Variants in PACSIN2 observed in about 807,000 individuals in gnomAD.
PACSIN2 encodes the protein protein kinase C and casein kinase substrate in neurons protein 2.
A neutral mutation model predicts 63.8 loss-of-function variants in PACSIN2; 25 were observed. The ratio of observed to expected loss-of-function variants is 0.39; its 90% CI spans 0.29 to 0.55. PACSIN2 has a LOEUF of 0.55. PACSIN2 is among the 20% of genes least tolerant of loss of function. The probability of loss-of-function intolerance (pLI) is 0.62; values close to 1 mark genes in which losing one functional copy is unlikely to be tolerated. For synonymous variants in PACSIN2, 255 were observed against 256.2 expected (o/e 1.00, Z 0.05); for missense variants, 518 against 646.9 (o/e 0.80, Z 2.16).
At chr22:42,960,811 T>TA (rs930119185) in intron 1 of PACSIN2, among the ~76,000 whole-genome samples, 10 of 152,332 alleles carry the variant, frequency 6.6e-5, no homozygotes, top group Admixed American at 3.9e-4. Context: ...CACTGATATG[T>TA]ACACTTGAGA....
At chr22:43,001,148 A>G (rs1240434295) in intron 1 of PACSIN2, among the ~76,000 whole-genome samples, 1 of 152,182 alleles carries the variant, frequency 6.6e-6, no homozygotes, top group Non-Finnish European at 1.5e-5. Context: ...ATGCCATACC[A>G]CCCACCCAAG....
rs1353522962 is a variant in PACSIN2 at position 42,980,497 on chromosome 22, C to CCCCTCT, written c.-78+34518_-78+34523dup. ...CCCTCTCCCTCTCCCCCTCCCCCTC[C>CCCCTCT]CCCTCTCCCTCTCCCTCCACGGTCT... is the stretch of plus-strand genomic sequence containing the variant. On this transcript the variant is annotated intron_variant, in intron 1 of 10. Transcript: ENST00000263246. Among the ~76,000 whole-genome samples the CCCCTCT allele has an allele frequency of 7.3e-3, 999 of 136,640 alleles. 13 individuals carry two copies. The highest frequency in any genetic ancestry group is 0.027 in the African/African-American group (947 of 35,418). The allele number at this position is 136,640 out of a possible 152,430, so 89.6% of individuals were successfully genotyped here.
intron 1 of PACSIN2, among the ~76,000 whole-genome samples, chr22:42,922,740 C>A (rs1932277427): frequency 6.6e-6 from 1 of 152,222 alleles, no homozygotes; most frequent in Non-Finnish European, 1.5e-5. Context: ...CTACCATGTG[C>A]CAGGCACTCT....
chr22:42,892,298 G>A (rs912099705), intron 3 of PACSIN2, among the ~76,000 whole-genome samples: 6 of 152,166 alleles, frequency 3.9e-5, no homozygotes, highest in Admixed American at 3.9e-4. Flanking sequence ...CAAGTGCGCT[G>A]AGTCATGACA....
chr22:42,962,099 GGCCAACA>G (rs1934156038), intron 1 of PACSIN2, among the ~76,000 whole-genome samples: 1 of 151,940 alleles, frequency 6.6e-6, no homozygotes, highest in Admixed American at 6.6e-5. Context: ...AGACCAGCCT[GGCCAACA>G]TGGTGAAACC....
In PACSIN2 at chr22:42,871,334, C is replaced by CT. The variant is rs770883501; in HGVS notation, c.*22_*23insA. Reference sequence around the variant, plus strand: ...CTCCTGGGCCCGCCGCCTCCGTCCCCCCGCTGGCCTGTCCCCGACTCATCA... The same window carrying CT: ...CTCCTGGGCCCGCCGCCTCCGTCCCCTCCGCTGGCCTGTCCCCGACTCATCA... On this transcript the variant is annotated 3_prime_UTR_variant, in exon 11 of 11. Coordinates refer to ENST00000263246, the MANE Select transcript of PACSIN2 (RefSeq NM_001184970.3). This position sits in a 1 kb window ranked among gnomAD's most constrained non-coding sequence, Gnocchi z 5.4. The CT allele has an allele frequency of 8.2e-4, 1,248 of 1,528,714 alleles. 5 individuals are homozygous for CT. Among genetic ancestry groups the CT allele is most frequent in the Middle Eastern group, 2.7e-3 (16 of 5,916 alleles). 94.7% of individuals were successfully genotyped at this position (1,528,714 alleles called of 1,614,324 possible). A position where few individuals can be genotyped will look rare whatever the true frequency, so the allele number is the denominator to read the frequency against.
chr22:42,980,082 AG>A (rs1297730283), intron 1 of PACSIN2, among the ~76,000 whole-genome samples: 1 of 152,190 alleles, frequency 6.6e-6, no homozygotes, highest in Non-Finnish European at 1.5e-5. Flanking sequence ...TAAAAAAAAA[AG>A]AAAGAAAGAA....
At chr22:42,966,822 T>C (rs980250869) in intron 1 of PACSIN2, among the ~76,000 whole-genome samples, 1 of 152,192 alleles carries the variant, frequency 6.6e-6, no homozygotes, top group Non-Finnish European at 1.5e-5. Context: ...CCAAGAAAGA[T>C]CTGAAATTCA....
intron 3 of PACSIN2, among the ~76,000 whole-genome samples, chr22:42,891,565 T>G (rs770087138): frequency 6.6e-6 from 1 of 152,114 alleles, no homozygotes; most frequent in Admixed American, 6.6e-5. Flanking sequence ...CACGCCTGGC[T>G]AAATTTTTGT....
intron 1 of PACSIN2, among the ~76,000 whole-genome samples, chr22:42,952,975 T>A (rs1289382968): frequency 6.6e-6 from 1 of 152,166 alleles, no homozygotes; most frequent in Non-Finnish European, 1.5e-5. Flanking sequence ...CCTTAAAGGA[T>A]ATACTTTTAA....
At chr22:42,996,203 G>T (rs558667122) in intron 1 of PACSIN2, among the ~76,000 whole-genome samples, 19 of 149,778 alleles carry the variant, frequency 1.3e-4, no homozygotes, top group Non-Finnish European at 2.5e-4. Context: ...CTGGGCGACA[G>T]AGCGAGACTC....
At chr22:42,955,146 G>A (rs974534734) in intron 1 of PACSIN2, among the ~76,000 whole-genome samples, 1 of 152,078 alleles carries the variant, frequency 6.6e-6, no homozygotes, top group African/African-American at 2.4e-5. Context: ...CTGCTGCTTA[G>A]AAGTCTCTTT....
chr22:42,996,962 T>C (rs1312643061), intron 1 of PACSIN2, among the ~76,000 whole-genome samples: 1 of 152,176 alleles, frequency 6.6e-6, no homozygotes, highest in African/African-American at 2.4e-5. Context: ...TCAATAAACA[T>C]TAAATTTTTT....
intron 2 of PACSIN2, among the ~76,000 whole-genome samples, chr22:42,909,833 G>GT (rs34278597): frequency 6.6e-6 from 1 of 152,208 alleles, no homozygotes; most frequent in Admixed American, 6.5e-5. Context: ...TTTCCCAGCA[G>GT]TTTCTGCCAC....
At chr22:42,886,388 T>C (rs1034136215) in intron 5 of PACSIN2, among the ~76,000 whole-genome samples, 1 of 152,074 alleles carries the variant, frequency 6.6e-6, no homozygotes, top group Non-Finnish European at 1.5e-5. Context: ...TGAAAGTACA[T>C]GTGCAACCAG....
chr22:43,004,819 G>A (rs1249141892), intron 1 of PACSIN2, among the ~76,000 whole-genome samples: 2 of 152,236 alleles, frequency 1.3e-5, no homozygotes, highest in African/African-American at 2.4e-5. Flanking sequence ...TGGGCGCTCT[G>A]GGCTTGGGCT....
chr22:42,884,426 G>A lies in PACSIN2; in HGVS notation c.745C>T (p.Leu249=), dbSNP rs762647626. 4 of 1,614,110 alleles carry A rather than the reference G, an allele frequency of 2.5e-6. No individual in the cohort carries two copies. The highest frequency in any genetic ancestry group is 3.3e-5 in the Admixed American group (2 of 60,006). ...KRLRFFREVL[L]EVQKHLDLSN... ...AGGTCTAGGTGCTTCTGAACCTCCA[G>A]CAGAACCTCCCGGAAGAAGCGAAGG... The change falls in exon 6 of 11, where the codon CTG becomes TTG. Residue 249 remains leucine, a synonymous_variant. Transcript: ENST00000263246.
chr22:43,005,554 C>T (rs1018253622), intron 1 of PACSIN2, among the ~76,000 whole-genome samples: 1 of 152,140 alleles, frequency 6.6e-6, no homozygotes, highest in Non-Finnish European at 1.5e-5. Flanking sequence ...GAGGCCTCAC[C>T]CACACCAATG....
chr22:42,986,054 A>G (rs2146894752), intron 1 of PACSIN2, among the ~76,000 whole-genome samples: 1 of 152,046 alleles, frequency 6.6e-6, no homozygotes, highest in African/African-American at 2.4e-5. Context: ...CCAAACAACG[A>G]TCCCCTTGCT....
Sources: gnomAD v4.1 joint callset for allele counts (sites outside exome capture counted in the v4.1 genomes callset) on GRCh38, gnomAD v4.1.1 for gene constraint, Gnocchi (gnomAD v3.1) non-coding constraint, MANE v1.5 for transcripts, NCBI Gene and HGNC (gene_info 2026-07-23, HGNC 2026-07-21) for gene names.